The following CLSTN2 variants were observed in gnomAD, a reference collection of about 807,000 sequenced individuals.
The protein encoded by CLSTN2 is calsyntenin-2.
In CLSTN2, 48 loss-of-function variants were observed where a neutral mutation model predicts 101.2. The ratio of observed to expected loss-of-function variants is 0.47; its 90% CI spans 0.38 to 0.60. CLSTN2 has a LOEUF of 0.60. CLSTN2 is among the 20% of genes least tolerant of loss of function. CLSTN2 has a pLI of 0.00. For synonymous variants in CLSTN2, 481 were observed against 463.6 expected (o/e 1.04, Z -0.48); for missense variants, 1,160 against 1,238.2 (o/e 0.94, Z 0.95).
At chr3:139,965,198 G>A (rs575733966) in intron 1 of CLSTN2, among the ~76,000 whole-genome samples, 1 of 152,328 alleles carries the variant, frequency 6.6e-6, no homozygotes, top group South Asian at 2.1e-4. Flanking sequence ...ATTAGCTCAA[G>A]ACTGATTTTG....
intron 2 of CLSTN2, among the ~76,000 whole-genome samples, chr3:140,327,273 AATGCTCTT>A (rs2087341635): frequency 6.6e-6 from 1 of 152,232 alleles, no homozygotes; most frequent in Non-Finnish European, 1.5e-5. Flanking sequence ...TAAAGCAACA[AATGCTCTT>A]ATTCCTCTTC....
At chr3:140,462,217 C>T (rs887071972) in intron 7 of CLSTN2, among the ~76,000 whole-genome samples, 1 of 151,936 alleles carries the variant, frequency 6.6e-6, no homozygotes, top group African/African-American at 2.4e-5. Flanking sequence ...CATCAGTTAC[C>T]TTTATATAAC....
chr3:140,215,259 T>C (rs539146900), intron 2 of CLSTN2, among the ~76,000 whole-genome samples: 1 of 152,256 alleles, frequency 6.6e-6, no homozygotes. Context: ...CTTCAATCCT[T>C]CTCTCCTCCC....
intron 1 of CLSTN2, among the ~76,000 whole-genome samples, chr3:140,018,652 C>T (rs370201488): frequency 2.6e-5 from 4 of 152,322 alleles, no homozygotes; most frequent in South Asian, 4.1e-4. Context: ...CTGCTTACTG[C>T]AGTGTGACCT....
chr3:140,154,138 T>C (rs2009912184), intron 1 of CLSTN2, among the ~76,000 whole-genome samples: 1 of 152,112 alleles, frequency 6.6e-6, no homozygotes, highest in African/African-American at 2.4e-5. Context: ...AATAATAAAA[T>C]TTTGAGAGGA....
intron 2 of CLSTN2, among the ~76,000 whole-genome samples, chr3:140,262,575 A>T (rs367921080): frequency 6.6e-6 from 1 of 152,302 alleles, no homozygotes; most frequent in Admixed American, 6.5e-5. Context: ...TATATGTTTC[A>T]TGGGGCCCAT....
At chr3:140,148,907 G>A (rs936546885) in intron 1 of CLSTN2, among the ~76,000 whole-genome samples, 15 of 152,160 alleles carry the variant, frequency 9.9e-5, no homozygotes, top group Non-Finnish European at 2.9e-5. Flanking sequence ...TTACAAACAG[G>A]CCATGAATGC....
chr3:140,537,899 G>A (rs1383930497), intron 9 of CLSTN2, among the ~76,000 whole-genome samples: 1 of 152,166 alleles, frequency 6.6e-6, no homozygotes, highest in Non-Finnish European at 1.5e-5. Flanking sequence ...GTAGGCTGCT[G>A]GTTGTGCCAG....
At chr3:139,973,646 T>C (rs1293746747) in intron 1 of CLSTN2, among the ~76,000 whole-genome samples, 1 of 152,120 alleles carries the variant, frequency 6.6e-6, no homozygotes, top group Non-Finnish European at 1.5e-5. Context: ...TCTTTCTTTC[T>C]TTTTTAAATT....
chr3:140,133,009 A>AT (rs573120356), intron 1 of CLSTN2, among the ~76,000 whole-genome samples: 2,311 of 152,212 alleles, frequency 0.015, 66 homozygotes, highest in African/African-American at 0.054. Context: ...TGGATAATTT[A>AT]TTTTTTTTAA....
rs57982149 is a variant in CLSTN2, at chr3:140,526,643, C to CAACAACAA, written c.1345-5679_1345-5678insCAACAAAA. ...AATACTGAGCAAACAACAACAACAA[C>CAACAACAA]AAAAAAAAAACTGGAGGCATCACAT... On this transcript the variant is annotated intron_variant, in intron 8 of 16. Transcript: ENST00000458420. 2.3e-5 allele frequency among the ~76,000 whole-genome samples: 3 copies of CAACAACAA among 132,002 alleles called. No individual in the cohort carries two copies. In the East Asian group the frequency reaches 6.5e-4, roughly 28 times the overall value. 86.6% of individuals were successfully genotyped at this position (132,002 alleles called of 152,430 possible). A position where few individuals can be genotyped will look rare whatever the true frequency, so the allele number is the denominator to read the frequency against.
intron 2 of CLSTN2, among the ~76,000 whole-genome samples, chr3:140,274,104 C>A (rs1242979572): frequency 6.6e-6 from 1 of 152,168 alleles, no homozygotes; most frequent in Non-Finnish European, 1.5e-5. Context: ...TCCTGGGAGA[C>A]TTGGCATGGT....
intron 1 of CLSTN2, among the ~76,000 whole-genome samples, chr3:140,105,291 C>T (rs2009037283): frequency 6.6e-6 from 1 of 152,186 alleles, no homozygotes; most frequent in South Asian, 2.1e-4. Context: ...CTTGGTTGAA[C>T]ATCAAGGCCT....
At chr3:140,535,117 CA>C (rs1286790435) in intron 9 of CLSTN2, among the ~76,000 whole-genome samples, 2 of 152,232 alleles carry the variant, frequency 1.3e-5, no homozygotes, top group East Asian at 3.9e-4. Context: ...CACCAACACA[CA>C]CACATTCATG....
chr3:139,989,167 C>T (rs1462442766), intron 1 of CLSTN2, among the ~76,000 whole-genome samples: 3 of 152,170 alleles, frequency 2.0e-5, no homozygotes, highest in Non-Finnish European at 2.9e-5. Flanking sequence ...GGGGTTTCTC[C>T]TCTGATGTTG....
chr3:140,303,807 G>A (rs2087084857), intron 2 of CLSTN2, among the ~76,000 whole-genome samples: 4 of 151,896 alleles, frequency 2.6e-5, no homozygotes, highest in Admixed American at 2.6e-4. Context: ...GCTCTGGCCA[G>A]ATGCATGAGG....
At chr3:140,142,742 G>A (rs1024571458) in intron 1 of CLSTN2, among the ~76,000 whole-genome samples, 13 of 152,204 alleles carry the variant, frequency 8.5e-5, no homozygotes, top group Non-Finnish European at 1.9e-4. Context: ...AGAGAAGAAG[G>A]AGGTGGCATT....
intron 9 of CLSTN2, among the ~76,000 whole-genome samples, chr3:140,540,565 C>G (rs1935456129): frequency 6.6e-6 from 1 of 152,220 alleles, no homozygotes. Context: ...ACCCAAGCAT[C>G]CATGAAATTG....
intron 4 of CLSTN2, among the ~76,000 whole-genome samples, chr3:140,419,363 G>C (rs2088467345): frequency 6.8e-6 from 1 of 146,790 alleles, no homozygotes; most frequent in African/African-American, 2.6e-5. Flanking sequence ...TATACCTATA[G>C]TCCCAGTACT....
Sources: allele counts gnomAD v4.1 joint callset (sites outside exome capture counted in the v4.1 genomes callset), GRCh38; gene constraint gnomAD v4.1.1; transcripts MANE v1.5; gene names NCBI Gene and HGNC (gene_info 2026-07-23, HGNC 2026-07-21).